Variants in TFCP2 observed in about 807,000 individuals in gnomAD.
TFCP2 encodes transcription factor CP2.
Under a neutral mutation model 73.4 loss-of-function variants are expected in TFCP2, and 33 were observed. The observed-to-expected ratio is 0.45, with a 90% CI of 0.34 to 0.60. The LOEUF (loss-of-function observed/expected upper bound fraction) is 0.60, where lower values mean the gene tolerates loss of function less well. Ranked by LOEUF, TFCP2 falls within the 20% of genes least tolerant of loss-of-function variation. The pLI is 0.01. For missense variants in TFCP2, 352 were observed against 604.0 expected, an observed-to-expected ratio of 0.58 and a Z score of 4.37; for synonymous variants, 193 against 211.6, an observed-to-expected ratio of 0.91 and a Z score of 0.76.
chr12:51,134,574 C>A (rs1434097502), intron 1 of TFCP2, among the ~76,000 whole-genome samples: 1 of 152,194 alleles, frequency 6.6e-6, no homozygotes, highest in African/African-American at 2.4e-5. Context: ...GCATGAGCCA[C>A]CCCGCCTGGC....
intron 1 of TFCP2, among the ~76,000 whole-genome samples, chr12:51,129,514 CAA>C (rs5798159): frequency 1.6e-5 from 2 of 126,228 alleles, no homozygotes; most frequent in Admixed American, 8.5e-5. Context: ...GACCCCGTCT[CAA>C]AAAAAAAAAA....
intron 1 of TFCP2, among the ~76,000 whole-genome samples, chr12:51,120,177 C>CAAAAA (rs33982936): frequency 3.0e-4 from 17 of 57,256 alleles, no homozygotes; most frequent in East Asian, 5.8e-4. Flanking sequence ...GACTCTGTCT[C>CAAAAA]AAAAAAAAAA....
chr12:51,136,711 C>T (rs907092705), intron 1 of TFCP2, among the ~76,000 whole-genome samples: 5 of 152,116 alleles, frequency 3.3e-5, no homozygotes, highest in African/African-American at 7.2e-5. Context: ...CAAGGCAAGT[C>T]GATCACTTGA....
At chr12:51,167,815 A>G (rs1941785741) in intron 1 of TFCP2, among the ~76,000 whole-genome samples, 1 of 152,134 alleles carries the variant, frequency 6.6e-6, no homozygotes, top group African/African-American at 2.4e-5. Context: ...AATTACAGCA[A>G]TTTGGGAGGC....
chr12:51,122,633 C>G (rs1385685641), intron 1 of TFCP2, among the ~76,000 whole-genome samples: 2 of 152,144 alleles, frequency 1.3e-5, no homozygotes, highest in Middle Eastern at 3.2e-3. Flanking sequence ...TTTGCTTAGG[C>G]TTTGCTCATA....
chr12:51,157,363 T>C (rs1030989790), intron 1 of TFCP2, among the ~76,000 whole-genome samples: 2 of 152,106 alleles, frequency 1.3e-5, no homozygotes, highest in Non-Finnish European at 2.9e-5. Flanking sequence ...TTACCCTAGG[T>C]AGAATGCCGT....
At chr12:51,154,290 T>A (rs1319840682) in intron 1 of TFCP2, among the ~76,000 whole-genome samples, 1 of 152,176 alleles carries the variant, frequency 6.6e-6, no homozygotes, top group East Asian at 1.9e-4. Flanking sequence ...CCCCGTATAG[T>A]GTGTTTTTTC....
At chr12:51,108,805 C>A (rs917566175) in intron 6 of TFCP2, among the ~76,000 whole-genome samples, 2 of 152,130 alleles carry the variant, frequency 1.3e-5, no homozygotes, top group East Asian at 3.9e-4. Flanking sequence ...AAGAAAAGAT[C>A]AAGTATGAAA....
intron 1 of TFCP2, among the ~76,000 whole-genome samples, chr12:51,162,359 T>A (rs1368587969): frequency 6.6e-6 from 1 of 151,828 alleles, no homozygotes; most frequent in East Asian, 1.9e-4. Flanking sequence ...CGCAGGAGAC[T>A]TGCCTGAACC....
chr12:51,153,350 TGG>T (rs1941468211), intron 1 of TFCP2, among the ~76,000 whole-genome samples: 1 of 152,000 alleles, frequency 6.6e-6, no homozygotes, highest in African/African-American at 2.4e-5. Context: ...CACTGCAGCC[TGG>T]GTGACAGAGC....
At chr12:51,103,370 C>T (rs1490362067) in intron 10 of TFCP2, among the ~76,000 whole-genome samples, 2 of 152,140 alleles carry the variant, frequency 1.3e-5, no homozygotes, top group Non-Finnish European at 2.9e-5. Context: ...TTCAGACTAC[C>T]TGCAAATGCC....
intron 5 of TFCP2, among the ~76,000 whole-genome samples, chr12:51,109,639 T>C (rs753816598): frequency 2.6e-5 from 4 of 151,908 alleles, no homozygotes; most frequent in African/African-American, 4.8e-5. Flanking sequence ...TCTGGGAACA[T>C]AGTAAATATG....
Position 51,118,775 on chromosome 12 carries a change from A to G in TFCP2, c.123-3T>C. ...AAATGGGCAATGCAAGGACATCACT[A>G]AAATAAAACAAATGACTCACATTAA... On this transcript the variant is annotated splice_region_variant and splice_polypyrimidine_tract_variant and intron_variant, in intron 1 of 14. Transcript: ENST00000257915. 1 of 1,613,884 alleles carries G rather than the reference A, an allele frequency of 6.2e-7. No homozygotes were observed.
chr12:51,150,401 G>C (rs1442646825), intron 1 of TFCP2, among the ~76,000 whole-genome samples: 4 of 151,918 alleles, frequency 2.6e-5, no homozygotes, highest in Admixed American at 2.0e-4. Flanking sequence ...CTGGGCGACA[G>C]AGCGAGCCTC....
chr12:51,137,837 G>A (rs1442124721), intron 1 of TFCP2, among the ~76,000 whole-genome samples: 1 of 152,102 alleles, frequency 6.6e-6, no homozygotes, highest in Non-Finnish European at 1.5e-5. Context: ...TTGTTTTCTT[G>A]GGACTAAGGG....
intron 1 of TFCP2, among the ~76,000 whole-genome samples, chr12:51,141,124 G>T (rs553153424): frequency 5.3e-5 from 8 of 151,066 alleles, no homozygotes; most frequent in African/African-American, 1.7e-4. Flanking sequence ...TAGAGATGGG[G>T]TCTCACCATC....
At chr12:51,122,903 TATC>T (rs2136990941) in intron 1 of TFCP2, among the ~76,000 whole-genome samples, 1 of 152,344 alleles carries the variant, frequency 6.6e-6, no homozygotes, top group East Asian at 1.9e-4. Context: ...TTTACTACCT[TATC>T]ATTCTCAAAT....
At position 51,130,209 on chromosome 12, in the gene TFCP2, C is replaced by A. The variant is rs113568843; in HGVS notation, c.123-11437G>T. On this transcript the variant is annotated intron_variant, in intron 1 of 14. Transcript: ENST00000257915. ...GCTGTTGGCCGGGCGCAGTGGCTCA[C>A]GCCTATAATCCCAGCACTTTGGGAG... Among the ~76,000 whole-genome samples, 573 of 152,254 alleles carry A rather than the reference C, an allele frequency of 3.8e-3. 2 individuals carry two copies. The highest frequency in any genetic ancestry group is 0.013 in the African/African-American group (551 of 41,540).
intron 12 of TFCP2, 103 bp downstream of exon 12, chr12:51,099,552 G>C: frequency 7.0e-7 from 1 of 1,432,072 alleles, no homozygotes; most frequent in Non-Finnish European, 9.6e-7. Flanking sequence ...GTTACTTCTA[G>C]CAAATACTAA....
Sources: gnomAD v4.1 joint callset for allele counts (sites outside exome capture counted in the v4.1 genomes callset) on GRCh38, gnomAD v4.1.1 for gene constraint, MANE v1.5 for transcripts, NCBI Gene and HGNC (gene_info 2026-07-23, HGNC 2026-07-21) for gene names.